The following CCSER1 variants were observed in gnomAD, a reference collection of about 807,000 sequenced individuals.
CCSER1 encodes the protein coiled-coil serine rich protein 1.
A neutral mutation model predicts 82.0 loss-of-function variants in CCSER1; 41 were observed. The ratio of observed to expected loss-of-function variants is 0.50; its 90% CI spans 0.39 to 0.65. The LOEUF is 0.65. Among genes scored for constraint, CCSER1 ranks in the 30% least tolerant of loss-of-function variants. The probability of loss-of-function intolerance (pLI) is 0.00; values close to 1 mark genes in which losing one functional copy is unlikely to be tolerated. For missense variants in CCSER1, 1,119 were observed against 1,064.2 expected (o/e 1.05, Z -0.72); for synonymous variants, 414 against 383.9 (o/e 1.08, Z -0.92).
At chr4:90,328,086 A>G (rs1033501134) in intron 3 of CCSER1, among the ~76,000 whole-genome samples, 1 of 152,178 alleles carries the variant, frequency 6.6e-6, no homozygotes, top group African/African-American at 2.4e-5. Context: ...TGTCCTATCT[A>G]AAAACTTAAG....
chr4:90,263,970 A>AC (rs1013707873), intron 1 of CCSER1, among the ~76,000 whole-genome samples: 101 of 152,134 alleles, frequency 6.6e-4, no homozygotes, highest in African/African-American at 2.4e-3. Context: ...CAGAGCACAG[A>AC]CCCCCCTAAC....
intron 3 of CCSER1, among the ~76,000 whole-genome samples, chr4:90,350,711 T>C (rs1743270153): frequency 6.6e-6 from 1 of 152,090 alleles, no homozygotes; most frequent in Non-Finnish European, 1.5e-5. Flanking sequence ...AATATAGCTG[T>C]CTATAAAACG....
At chr4:91,359,194 A>C (rs1166989925) in intron 10 of CCSER1, among the ~76,000 whole-genome samples, 2 of 150,122 alleles carry the variant, frequency 1.3e-5, no homozygotes, top group African/African-American at 4.9e-5. Context: ...AGAGAGATAC[A>C]GAACAGGGCA....
chr4:91,408,686 C>T (rs183171317), intron 10 of CCSER1, among the ~76,000 whole-genome samples: 1 of 152,260 alleles, frequency 6.6e-6, no homozygotes, highest in East Asian at 1.9e-4. Context: ...TGACCTGTCT[C>T]CAGGTGCTTT....
intron 10 of CCSER1, among the ~76,000 whole-genome samples, chr4:91,100,964 G>C (rs558580676): frequency 6.6e-6 from 1 of 152,202 alleles, no homozygotes; most frequent in South Asian, 2.1e-4. Context: ...TGTTTGACTG[G>C]TTATCTGGAT....
At chr4:90,788,712 A>G (rs1754850096) in intron 7 of CCSER1, among the ~76,000 whole-genome samples, 1 of 152,226 alleles carries the variant, frequency 6.6e-6, no homozygotes. Context: ...GGACTTCAAC[A>G]TAGGAATTGG....
At chr4:90,158,683 G>T (rs759981586) in intron 1 of CCSER1, among the ~76,000 whole-genome samples, 24 of 152,352 alleles carry the variant, frequency 1.6e-4, no homozygotes, top group African/African-American at 4.6e-4. Context: ...CTCTGAGCCA[G>T]GTGCGGGATA....
intron 10 of CCSER1, among the ~76,000 whole-genome samples, chr4:91,160,215 G>C (rs1043331550): frequency 6.6e-6 from 1 of 152,140 alleles, no homozygotes; most frequent in Admixed American, 6.6e-5. Context: ...TCCCTACAAA[G>C]GACATGAACT....
intron 10 of CCSER1, among the ~76,000 whole-genome samples, chr4:91,296,483 A>ATATATATATATATATATTATT (rs1175690764): frequency 1.8e-4 from 22 of 123,972 alleles, no homozygotes; most frequent in African/African-American, 3.1e-4. Flanking sequence ...ATATATATAT[A>ATATATATATATATATATTATT]TATTTTAATT....
rs563580380 is a variant in CCSER1 at position 91,558,351 on chromosome 4, A to G, written c.2218-40221A>G. 1.1e-4 allele frequency among the ~76,000 whole-genome samples: 17 copies of G among 151,744 alleles called. 1 individual carries two copies. The South Asian group carries it at 3.3e-3, about 30-fold the overall frequency. On this transcript the variant is annotated intron_variant, in intron 10 of 10. Transcript: ENST00000509176. Reference sequence around the variant, plus strand: ...CATAGCTAGCGTATTGTTTTTTGATAATTATTAAGAACCATCAATGAATTT... The same window carrying G: ...CATAGCTAGCGTATTGTTTTTTGATGATTATTAAGAACCATCAATGAATTT...
intron 10 of CCSER1, among the ~76,000 whole-genome samples, chr4:91,251,835 T>C (rs73836896): frequency 0.039 from 5,969 of 151,800 alleles, 164 homozygotes; most frequent in African/African-American, 0.074. Flanking sequence ...TTAATGAGAG[T>C]TTTTAATATA....
intron 10 of CCSER1, among the ~76,000 whole-genome samples, chr4:91,178,947 C>G (rs1036700805): frequency 1.3e-5 from 2 of 152,186 alleles, no homozygotes; most frequent in East Asian, 3.9e-4. Flanking sequence ...ACCAGTTGTT[C>G]CTTTCCATTT....
At chr4:90,718,443 C>G (rs981130291) in intron 6 of CCSER1, among the ~76,000 whole-genome samples, 10 of 152,168 alleles carry the variant, frequency 6.6e-5, no homozygotes, top group Non-Finnish European at 1.3e-4. Flanking sequence ...GGAATTATAG[C>G]ATTCAGTAAA....
chr4:90,534,479 G>T (rs1315588668), intron 5 of CCSER1, among the ~76,000 whole-genome samples: 1 of 148,610 alleles, frequency 6.7e-6, no homozygotes, highest in Non-Finnish European at 1.5e-5. Context: ...GTGTGTGTGT[G>T]TGTGTGTGTG....
At chr4:91,143,645 C>T (rs1729260908) in intron 10 of CCSER1, among the ~76,000 whole-genome samples, 2 of 152,002 alleles carry the variant, frequency 1.3e-5, no homozygotes, top group Admixed American at 1.3e-4. Context: ...AAGTATGTTA[C>T]TTCAATGCCT....
At chr4:90,908,233 G>A (rs1725791143) in intron 8 of CCSER1, among the ~76,000 whole-genome samples, 1 of 152,124 alleles carries the variant, frequency 6.6e-6, no homozygotes, top group African/African-American at 2.4e-5. Context: ...ACTTTAAAAA[G>A]AATATCTGTA....
intron 10 of CCSER1, among the ~76,000 whole-genome samples, chr4:91,428,684 C>A (rs574859320): frequency 6.6e-6 from 1 of 152,054 alleles, no homozygotes; most frequent in South Asian, 2.1e-4. Flanking sequence ...ATAATATATT[C>A]TTTTAAGTAT....
At chr4:91,236,577 A>G (rs539324481) in intron 10 of CCSER1, among the ~76,000 whole-genome samples, 27 of 152,302 alleles carry the variant, frequency 1.8e-4, no homozygotes, top group Middle Eastern at 3.4e-3. Context: ...GAAATGGAAT[A>G]CTGTATTTAA....
intron 8 of CCSER1, among the ~76,000 whole-genome samples, chr4:90,826,758 A>G (rs1760518215): frequency 6.6e-6 from 1 of 152,196 alleles, no homozygotes; most frequent in Non-Finnish European, 1.5e-5. Context: ...CAGAGAGATT[A>G]CAAACATATT....
Sources: allele counts gnomAD v4.1 joint callset (sites outside exome capture counted in the v4.1 genomes callset), GRCh38; gene constraint gnomAD v4.1.1; transcripts MANE v1.5; gene names NCBI Gene and HGNC (gene_info 2026-07-23, HGNC 2026-07-21).